The following DPYSL2 variants were observed in gnomAD, a reference collection of about 807,000 sequenced individuals.
DPYSL2 encodes the protein dihydropyrimidinase-related protein 2.
A neutral mutation model predicts 69.9 loss-of-function variants in DPYSL2; 13 were observed. That is an observed-to-expected ratio of 0.19 (90% CI 0.12 to 0.30). The LOEUF (loss-of-function observed/expected upper bound fraction) is 0.30. DPYSL2 is among the 10% of genes least tolerant of loss of function. The probability of loss-of-function intolerance (pLI) is 1.00; values close to 1 mark genes in which losing one functional copy is unlikely to be tolerated. For missense variants in DPYSL2, 587 were observed against 918.9 expected, an observed-to-expected ratio of 0.64 and a Z score of 4.67; for synonymous variants, 326 against 359.1, an observed-to-expected ratio of 0.91 and a Z score of 1.04.
At position 26,618,339 on chromosome 8, in the gene DPYSL2, G is replaced by A. The variant is rs189796944; in HGVS notation, c.629-5804G>A. ...CCTTTTTTTTTTTTCTTAATAGACAGTCTTTATCTGTTGCCCAAGCTGAAG... is the reference window on the plus strand; with the variant it reads ...CCTTTTTTTTTTTTCTTAATAGACAATCTTTATCTGTTGCCCAAGCTGAAG... On this transcript the variant is annotated intron_variant, in intron 3 of 13. Coordinates refer to ENST00000521913, the MANE Select transcript of DPYSL2 (RefSeq NM_001197293.3). Among the ~76,000 whole-genome samples, 857 of 149,196 alleles carry A rather than the reference G, an allele frequency of 5.7e-3. 3 individuals are homozygous for A. The highest frequency in any genetic ancestry group is 0.01 in the Middle Eastern group (3 of 292).
chr8:26,655,670 C>A lies in DPYSL2; in HGVS notation c.1998C>A (p.Pro666=), dbSNP rs1485628924. 1 of 1,609,186 alleles carries A rather than the reference C, an allele frequency of 6.2e-7. No individual in the cohort carries two copies. The highest frequency in any genetic ancestry group is 8.5e-7 in the Non-Finnish European group (1 of 1,179,388). The stretch of plus-strand genomic sequence containing the variant: ...GCACCACCCAGCGTATCGTGGCGCC[C>A]CCCGGTGGCCGTGCCAACATCACCA... The part of the protein sequence containing the change: ...PRRTTQRIVA[P]PGGRANITSL... The change falls in exon 14 of 14, where the codon CCC becomes CCA. Residue 666 remains proline, a synonymous_variant. Transcript: ENST00000521913.
chr8:26,527,525 G>T (rs1808499965), intron 1 of DPYSL2, among the ~76,000 whole-genome samples: 1 of 152,056 alleles, frequency 6.6e-6, no homozygotes, highest in East Asian at 1.9e-4. Context: ...ACATACATTG[G>T]TCATTTCAAG....
In DPYSL2 at chr8:26,514,211, GGCGGCGAACGGCAGCC is replaced by G. The variant is rs1808230992; in HGVS notation, c.-109_-94del. 4 of 941,152 alleles carry G rather than the reference GGCGGCGAACGGCAGCC, an allele frequency of 4.3e-6. No homozygotes were observed. The South Asian group carries it at 8.8e-5, about 21-fold the overall frequency. 58.3% of individuals were successfully genotyped at this position (941,152 alleles called of 1,614,324 possible). A position where few individuals can be genotyped will look rare whatever the true frequency, so the allele number is the denominator to read the frequency against. ...CTTCCTTTCTGTGCACCTTGCGGTG[GGCGGCGAACGGCAGCC>G]GCGGCAGCAGCTAGGGGGCTTGTGC... On this transcript the variant is annotated 5_prime_UTR_variant, in exon 1 of 14. Coordinates refer to ENST00000521913, the MANE Select transcript of DPYSL2 (RefSeq NM_001197293.3). This position sits in a 1 kb window ranked among gnomAD's most constrained non-coding sequence, Gnocchi z 8.4.
chr8:26,531,180 G>T (rs1377760235), intron 1 of DPYSL2, among the ~76,000 whole-genome samples: 1 of 152,006 alleles, frequency 6.6e-6, no homozygotes, highest in Non-Finnish European at 1.5e-5. Context: ...CATGAATTTT[G>T]GGGGACACAT....
Position 26,644,208 on chromosome 8 carries a change from G to T in DPYSL2, c.1425+117G>T. ...ACAGACAGTGGAGGACATCCTAGAA[G>T]CCAGTACTTATATGACAATATTTCT... On this transcript the variant is annotated intron_variant, in intron 10 of 13. Transcript: ENST00000521913. The surrounding 1 kb of genome is among the most constrained non-coding windows in gnomAD (Gnocchi z 4.5). The T allele has an allele frequency of 8.0e-7, 1 of 1,256,960 alleles. No homozygotes were observed. Among genetic ancestry groups the T allele is most frequent in the Non-Finnish European group, 1.1e-6 (1 of 928,142 alleles). The allele number at this position is 1,256,960 out of a possible 1,614,324, so 77.9% of individuals were successfully genotyped here.
intron 1 of DPYSL2, among the ~76,000 whole-genome samples, chr8:26,555,202 A>G (rs1017329754): frequency 2.0e-5 from 3 of 152,164 alleles, no homozygotes; most frequent in African/African-American, 7.2e-5. Context: ...GAAAAGGCCA[A>G]TGATTTCCCT....
chr8:26,652,277 T>G lies in DPYSL2; in HGVS notation c.1617T>G (p.Phe539Leu). ...CTCAGTCTCTCGAGTACAACATCTT[T>G]GAAGGCATGGAGTGCCGCGGCTCCC... ...THNSSLEYNI[F>L]EGMECRGSPL... Residue 539 changes from phenylalanine (F) to leucine (L), a missense_variant, in exon 12 of 14, where the codon TTT (phenylalanine) becomes TTG (leucine). By Grantham distance (22) the Phe-to-Leu change is conservative. Coordinates refer to ENST00000521913, the MANE Select transcript of DPYSL2 (RefSeq NM_001197293.3). This position sits in a 1 kb window ranked among gnomAD's most constrained non-coding sequence, Gnocchi z 6.3. The G allele has an allele frequency of 6.2e-7, 1 of 1,613,858 alleles. No individual in the cohort carries two copies. Among genetic ancestry groups the G allele is most frequent in the Admixed American group, 1.7e-5 (1 of 59,962 alleles).
chr8:26,618,082 G>A (rs1027933409), intron 3 of DPYSL2, among the ~76,000 whole-genome samples: 25 of 152,196 alleles, frequency 1.6e-4, no homozygotes, highest in African/African-American at 5.8e-4. Flanking sequence ...AAGAGGAATA[G>A]TCCTTTTTCA....
intron 7 of DPYSL2, among the ~76,000 whole-genome samples, chr8:26,631,943 G>C (rs1802786221): frequency 6.6e-6 from 1 of 152,196 alleles, no homozygotes; most frequent in Non-Finnish European, 1.5e-5. Context: ...AATTTTGTGT[G>C]AATTTTAGCT....
At position 26,617,663 on chromosome 8, in the gene DPYSL2, G is replaced by C. The variant is rs543617650; in HGVS notation, c.629-6480G>C. Among the ~76,000 whole-genome samples the C allele has an allele frequency of 6.0e-4, 91 of 152,338 alleles. No individual in the cohort carries two copies. Among genetic ancestry groups the C allele is most frequent in the African/African-American group, 2.1e-3 (87 of 41,578 alleles). On this transcript the variant is annotated intron_variant, in intron 3 of 13. Coordinates refer to ENST00000521913, the MANE Select transcript of DPYSL2 (RefSeq NM_001197293.3). The surrounding 1 kb of genome is among the most constrained non-coding windows in gnomAD (Gnocchi z 4.7). ...GAACATTAGGGAACCGCTTGAGGCA[G>C]GAGGGGAAGGAAGCACTGATTCTCG...
At chr8:26,557,450 C>T (rs571864990) in intron 1 of DPYSL2, among the ~76,000 whole-genome samples, 1 of 152,106 alleles carries the variant, frequency 6.6e-6, no homozygotes, top group African/African-American at 2.4e-5. Context: ...TGAAAAGGTT[C>T]TCTGTGTCAT....
intron 1 of DPYSL2, chr8:26,578,411 T>C: frequency 6.4e-7 from 1 of 1,567,618 alleles, no homozygotes. Flanking sequence ...TTTTCCTTTC[T>C]GTTGCTAACG....
At chr8:26,611,248 C>A (rs982338752) in intron 3 of DPYSL2, among the ~76,000 whole-genome samples, 4 of 152,232 alleles carry the variant, frequency 2.6e-5, no homozygotes, top group African/African-American at 9.6e-5. Context: ...GGGACAGTTA[C>A]GGAATCACTG....
In DPYSL2 at chr8:26,617,967, G is replaced by A. The variant is rs1231307290; in HGVS notation, c.629-6176G>A. On this transcript the variant is annotated intron_variant, in intron 3 of 13. Coordinates refer to ENST00000521913, the MANE Select transcript of DPYSL2 (RefSeq NM_001197293.3). This position sits in a 1 kb window ranked among gnomAD's most constrained non-coding sequence, Gnocchi z 4.7. ...CTGTGAGTGAACTAAAAGCCACCGGGTTATACCCTTTAAATGAGTGATTGC... is the reference window on the plus strand; with the variant it reads ...CTGTGAGTGAACTAAAAGCCACCGGATTATACCCTTTAAATGAGTGATTGC... Among the ~76,000 whole-genome samples, 2 of 152,112 alleles carry A rather than the reference G, an allele frequency of 1.3e-5. No individual in the cohort carries two copies. The highest frequency in any genetic ancestry group is 1.5e-5 in the Non-Finnish European group (1 of 68,038).
chr8:26,535,365 C>T (rs1032161227), intron 1 of DPYSL2, among the ~76,000 whole-genome samples: 4 of 152,042 alleles, frequency 2.6e-5, no homozygotes, highest in Non-Finnish European at 5.9e-5. Context: ...CATGAAAATC[C>T]AGTCCATAAC....
rs1053299812 is a variant in DPYSL2, at chr8:26,582,636, A to C, written c.443+579A>C. On this transcript the variant is annotated intron_variant, in intron 2 of 13. Transcript: ENST00000521913. This position sits in a 1 kb window ranked among gnomAD's most constrained non-coding sequence, Gnocchi z 4.1. ...TGTGTTAATGTTACAAAGGAGAAGC[A>C]ACAGGGCAGTTCCTGAGTTTGGGTA... is the stretch of plus-strand genomic sequence containing the variant. Among the ~76,000 whole-genome samples, 6 of 152,230 alleles carry C rather than the reference A, an allele frequency of 3.9e-5. No individual in the cohort carries two copies. The South Asian group carries it at 1.2e-3, about 31-fold the overall frequency.
intron 1 of DPYSL2, among the ~76,000 whole-genome samples, chr8:26,547,362 G>A (rs1381887741): frequency 2.0e-5 from 3 of 147,224 alleles, no homozygotes; most frequent in East Asian, 2.0e-4. Context: ...GACCCTGATT[G>A]AAAAAAAAAA....
intron 7 of DPYSL2, among the ~76,000 whole-genome samples, chr8:26,630,553 C>T (rs770543309): frequency 6.6e-6 from 1 of 152,204 alleles, no homozygotes; most frequent in African/African-American, 2.4e-5. Flanking sequence ...TCCTGGCCCA[C>T]ATTTCAGTTT....
rs374452731 is a variant in DPYSL2 at position 26,598,878 on chromosome 8, C to T, written c.628+14895C>T. Among the ~76,000 whole-genome samples, 4 of 152,266 alleles carry T rather than the reference C, an allele frequency of 2.6e-5. No homozygotes were observed. The highest frequency in any genetic ancestry group is 4.8e-5 in the African/African-American group (2 of 41,546). On this transcript the variant is annotated intron_variant, in intron 3 of 13. Coordinates refer to ENST00000521913, the MANE Select transcript of DPYSL2 (RefSeq NM_001197293.3). The surrounding 1 kb of genome is among the most constrained non-coding windows in gnomAD (Gnocchi z 4.2). ...AAAGGGATGTGGCACTCGGGCAGGA[C>T]GGGGGCTGCTTCTGTGCCTTTTCCC...
Sources: gnomAD v4.1 joint callset for allele counts (sites outside exome capture counted in the v4.1 genomes callset) on GRCh38, gnomAD v4.1.1 for gene constraint, Gnocchi (gnomAD v3.1) non-coding constraint, MANE v1.5 for transcripts, NCBI Gene and HGNC (gene_info 2026-07-23, HGNC 2026-07-21) for gene names.